TSC1: variants seen among roughly 807,000 people sequenced by gnomAD.
TSC1 encodes hamartin.
In TSC1, 20 loss-of-function variants were observed where a neutral mutation model predicts 124.3. The observed-to-expected ratio is 0.16, with a 90% confidence interval of 0.11 to 0.23. TSC1 has a LOEUF of 0.23. Among genes scored for constraint, TSC1 ranks in the 10% least tolerant of loss-of-function variants. The pLI is 1.00. For missense variants in TSC1, 1,124 were observed against 1,448.5 expected, an observed-to-expected ratio of 0.78 and a Z score of 3.64; for synonymous variants, 493 against 539.1, an observed-to-expected ratio of 0.91 and a Z score of 1.19.
rs765367352 is a variant in TSC1, at chr9:132,905,530, T to G, written c.1997+51A>C. The G allele has an allele frequency of 1.1e-5, 18 of 1,611,238 alleles. No individual in the cohort carries two copies. The Admixed American group carries it at 3.0e-4, about 27-fold the overall frequency. ...GTTCCTCTCTTACACTTTCTGTACTTCACAATAAAATGGACCATTTAACAC... is the reference window on the plus strand; with the variant it reads ...GTTCCTCTCTTACACTTTCTGTACTGCACAATAAAATGGACCATTTAACAC... On this transcript the variant is annotated intron_variant, in intron 15 of 22. Transcript: ENST00000298552.
chr9:132,900,668 C>G, intron 20 of TSC1, 47 bp downstream of exon 20: 1 of 1,612,144 alleles, frequency 6.2e-7, no homozygotes, highest in Non-Finnish European at 8.5e-7. Context: ...CTGTCTGGGT[C>G]TGAAACGCTT....
intron 3 of TSC1, among the ~76,000 whole-genome samples, chr9:132,927,746 C>CA (rs573427580): frequency 4.9e-4 from 75 of 152,222 alleles, no homozygotes; most frequent in African/African-American, 1.8e-3. Flanking sequence ...AACATGGTCT[C>CA]AATCTCCTGA....
upstream of TSC1, chr9:132,944,921 C>A (rs1041190144): frequency 4.2e-6 from 1 of 236,686 alleles, no homozygotes; most frequent in Non-Finnish European, 8.0e-6. Flanking sequence ...AGGAGCCACG[C>A]GAGAGCCCGA....
rs748099884 is a variant in TSC1 at position 132,894,693 on chromosome 9, TAAAAA to T, written c.*1537_*1541del. 67 of 113,914 alleles carry T rather than the reference TAAAAA, an allele frequency of 5.9e-4. No homozygotes were observed. Among genetic ancestry groups the T allele is most frequent in the Middle Eastern group, 5.6e-3 (2 of 358 alleles). The allele number at this position is 113,914 out of a possible 1,614,324, so 7.1% of individuals were successfully genotyped here. ...GATGCTAGAATATTTATTGCCATGC[TAAAAA>T]AAAAAAAAAAAAAAAAAGACTTTCA... On this transcript the variant is annotated 3_prime_UTR_variant, in exon 23 of 23. Transcript: ENST00000298552.
intron 2 of TSC1, 62 bp downstream of exon 2, chr9:132,934,971 C>A (rs760938320): frequency 2.5e-6 from 1 of 398,944 alleles, no homozygotes; most frequent in Non-Finnish European, 4.4e-6. Context: ...CCTGAATGCA[C>A]GACCATGGGC....
chr9:132,901,607 G>T lies in TSC1; in HGVS notation c.2484C>A (p.Leu828=). ...TTCTTACCTTTTGGGAAACCTGACT[G>T]AGCAGCAGCTCAGTGTGACACACCT... ...NNKVCHTELL[L]SQVSQKLSNS... Residue 828 remains leucine, a synonymous_variant, in exon 19 of 23, where the codon CTC becomes CTA. Transcript: ENST00000298552. The T allele has an allele frequency of 6.2e-7, 1 of 1,614,062 alleles. No individual in the cohort carries two copies. Among genetic ancestry groups the T allele is most frequent in the South Asian group, 1.1e-5 (1 of 91,078 alleles).
In TSC1 at chr9:132,903,143, C is replaced by T. The variant is rs1439207670; in HGVS notation, c.2209-356G>A. On this transcript the variant is annotated intron_variant, in intron 17 of 22. Coordinates refer to ENST00000298552, the MANE Select transcript of TSC1 (RefSeq NM_000368.5). The surrounding 1 kb of genome is among the most constrained non-coding windows in gnomAD (Gnocchi z 5.9). Reference sequence around the variant, plus strand: ...TGCTTGCAGTGTGCTGGGCGCTCAGCAAGGGCTTACCGACATAATTTCTTT... The same window carrying T: ...TGCTTGCAGTGTGCTGGGCGCTCAGTAAGGGCTTACCGACATAATTTCTTT... Among the ~76,000 whole-genome samples, 2 of 152,198 alleles carry T rather than the reference C, an allele frequency of 1.3e-5. No individual in the cohort carries two copies. The highest frequency in any genetic ancestry group is 3.9e-4 in the East Asian group (2 of 5,194).
chr9:132,907,610 C>T (rs952535058), intron 12 of TSC1, among the ~76,000 whole-genome samples: 4 of 152,298 alleles, frequency 2.6e-5, no homozygotes, highest in African/African-American at 9.6e-5. Flanking sequence ...CTGCCTCAGC[C>T]TCCAGAGTAG....
At chr9:132,916,543 C>T (rs1457865175) in intron 8 of TSC1, among the ~76,000 whole-genome samples, 1 of 152,200 alleles carries the variant, frequency 6.6e-6, no homozygotes, top group Non-Finnish European at 1.5e-5. Flanking sequence ...TTGATTTCAA[C>T]ATTATGACTA....
chr9:132,924,604 T>A (rs1846749326), intron 5 of TSC1, among the ~76,000 whole-genome samples: 1 of 152,200 alleles, frequency 6.6e-6, no homozygotes, highest in South Asian at 2.1e-4. Context: ...TATATTCTCA[T>A]CAATCCATTT....
rs190614659 is a variant in TSC1 at position 132,905,448 on chromosome 9, T to C, written c.1997+133A>G. On this transcript the variant is annotated intron_variant, in intron 15 of 22. Coordinates refer to ENST00000298552, the MANE Select transcript of TSC1 (RefSeq NM_000368.5). The stretch of plus-strand genomic sequence containing the variant: ...GAAGATGCAACAGCCTAGAAGGACA[T>C]CTGACAAACAGCAGAGAACCAGCTG... The C allele has an allele frequency of 8.5e-4, 1,064 of 1,257,150 alleles. 5 individuals are homozygous for C. In the African/African-American group the frequency reaches 0.014, roughly 17 times the overall value. The allele number at this position is 1,257,150 out of a possible 1,614,324, so 77.9% of individuals were successfully genotyped here.
chr9:132,895,386 T>C lies in TSC1; in HGVS notation c.*849A>G, dbSNP rs1156539973. On this transcript the variant is annotated 3_prime_UTR_variant, in exon 23 of 23. Transcript: ENST00000298552. Reference sequence around the variant, plus strand: ...AAAGGTGCAGTTCCTCATGCTCAAGTGCTTCTCGGGTAACCTCTCCCAGTG... The same window carrying C: ...AAAGGTGCAGTTCCTCATGCTCAAGCGCTTCTCGGGTAACCTCTCCCAGTG... The C allele has an allele frequency of 4.7e-5, 11 of 233,402 alleles. No homozygotes were observed. The allele number at this position is 233,402 out of a possible 1,614,324, so 14.5% of individuals were successfully genotyped here.
At chr9:132,936,809 A>G (rs1419497635) in intron 1 of TSC1, among the ~76,000 whole-genome samples, 1 of 152,224 alleles carries the variant, frequency 6.6e-6, no homozygotes, top group Non-Finnish European at 1.5e-5. Flanking sequence ...AGTTGAATAG[A>G]GTATGAAAGC....
At chr9:132,914,530 T>G (rs1321733672) in intron 8 of TSC1, among the ~76,000 whole-genome samples, 1 of 152,134 alleles carries the variant, frequency 6.6e-6, no homozygotes, top group East Asian at 1.9e-4. Context: ...AATTTTATTG[T>G]AAGCAAATTA....
intron 10 of TSC1, 146 bp from the exon 11 acceptor site, chr9:132,911,259 G>A (rs958808637): frequency 3.6e-6 from 3 of 832,058 alleles, no homozygotes; most frequent in South Asian, 1.4e-5. Context: ...GAAACAAGTT[G>A]CATTTTGTAA....
chr9:132,927,083 A>G (rs1846906371), intron 4 of TSC1, 118 bp downstream of exon 4: 1 of 945,916 alleles, frequency 1.1e-6, no homozygotes, highest in Admixed American at 2.0e-5. Flanking sequence ...GAACAATGTC[A>G]TCAGTGGCGC....
rs1845405213 is a variant in TSC1 at position 132,902,021 on chromosome 9, G to A, written c.2392-322C>T. 1.3e-5 allele frequency: 4 copies of A among 316,574 alleles called. No homozygotes were observed. In the South Asian group the frequency reaches 1.7e-4, roughly 14 times the overall value. The allele number at this position is 316,574 out of a possible 1,614,324, so 19.6% of individuals were successfully genotyped here. A position where few individuals can be genotyped will look rare whatever the true frequency, so the allele number is the denominator to read the frequency against. The stretch of plus-strand genomic sequence containing the variant: ...TTTCGAGGGAGACGCAGCGCCATCT[G>A]TTGGACACTCTGTGAATTACTAACT... On this transcript the variant is annotated intron_variant, in intron 18 of 22. Coordinates refer to ENST00000298552, the MANE Select transcript of TSC1 (RefSeq NM_000368.5). This position sits in a 1 kb window ranked among gnomAD's most constrained non-coding sequence, Gnocchi z 5.2.
At chr9:132,901,939 A>C (rs1258648305) in intron 18 of TSC1, 1 of 502,118 alleles carries the variant, frequency 2.0e-6, no homozygotes, top group African/African-American at 1.9e-5. Flanking sequence ...ACTGTGCACC[A>C]AAGAGCCCTG....
At chr9:132,925,555 C>T (rs2132227842) in intron 5 of TSC1, 32 bp downstream of exon 5, 1 of 1,613,710 alleles carries the variant, frequency 6.2e-7, no homozygotes, top group East Asian at 2.2e-5. Context: ...ACTCATAAAA[C>T]CATTTCATTC....
Sources: gnomAD v4.1 joint callset for allele counts (sites outside exome capture counted in the v4.1 genomes callset) on GRCh38, gnomAD v4.1.1 for gene constraint, Gnocchi (gnomAD v3.1) non-coding constraint, MANE v1.5 for transcripts, NCBI Gene and HGNC (gene_info 2026-07-23, HGNC 2026-07-21) for gene names.